Variants in LMBR1 observed in about 807,000 individuals in gnomAD.
LMBR1 encodes the protein limb region 1 protein homolog.
LMBR1 carries 52 observed loss-of-function variants against 73.9 expected under a neutral mutation model. The observed-to-expected ratio is 0.70, with a 90% CI of 0.56 to 0.89. The LOEUF (loss-of-function observed/expected upper bound fraction) is 0.89, where lower values mean the gene tolerates loss of function less well. Among genes scored for constraint, LMBR1 ranks in the 40% least tolerant of loss-of-function variants. The pLI, the probability that LMBR1 is intolerant of heterozygous loss-of-function variation, is 0.00. For synonymous variants in LMBR1, 215 were observed against 209.4 expected (o/e 1.03, Z -0.23); for missense variants, 539 against 579.8 (o/e 0.93, Z 0.72).
intron 4 of LMBR1, among the ~76,000 whole-genome samples, chr7:156,807,745 G>C (rs1001861657): frequency 6.6e-6 from 1 of 152,032 alleles, no homozygotes; most frequent in Non-Finnish European, 1.5e-5. Flanking sequence ...TGTAATACAG[G>C]TATTTCGTGC....
intron 10 of LMBR1, chr7:156,733,913 T>G (rs1817341196): frequency 3.7e-6 from 1 of 269,160 alleles, no homozygotes; most frequent in African/African-American, 2.2e-5. Context: ...TTGGAAATAA[T>G]GCAAGTGAGA....
intron 1 of LMBR1, among the ~76,000 whole-genome samples, chr7:156,875,727 T>C (rs954763209): frequency 1.3e-5 from 2 of 152,078 alleles, no homozygotes; most frequent in Non-Finnish European, 2.9e-5. Flanking sequence ...GCTTCATAAA[T>C]GAAGGAAAGA....
chr7:156,705,954 G>A (rs530667391), intron 15 of LMBR1, among the ~76,000 whole-genome samples: 3 of 152,020 alleles, frequency 2.0e-5, no homozygotes, highest in South Asian at 2.1e-4. Context: ...AATATAAATG[G>A]ATTAAATTCT....
At chr7:156,803,635 A>T (rs569416803) in intron 4 of LMBR1, among the ~76,000 whole-genome samples, 15 of 152,238 alleles carry the variant, frequency 9.9e-5, no homozygotes, top group African/African-American at 3.6e-4. Context: ...CAGCCATCCC[A>T]TTACTAGGTA....
chr7:156,699,894 A>G (rs1809251296), intron 15 of LMBR1, among the ~76,000 whole-genome samples: 1 of 152,242 alleles, frequency 6.6e-6, no homozygotes, highest in African/African-American at 2.4e-5. Flanking sequence ...TTTAAAAGTC[A>G]GGAAACAACA....
At chr7:156,829,864 G>C (rs1427761543) in intron 3 of LMBR1, among the ~76,000 whole-genome samples, 7 of 152,128 alleles carry the variant, frequency 4.6e-5, no homozygotes, top group South Asian at 2.1e-4. Context: ...TTGCTTCACC[G>C]GTTAGTCATC....
intron 1 of LMBR1, among the ~76,000 whole-genome samples, chr7:156,847,518 GA>G (rs1345890191): frequency 6.6e-6 from 1 of 152,172 alleles, no homozygotes; most frequent in African/African-American, 2.4e-5. Context: ...CAGGCTGGGA[GA>G]AAATATTTGC....
chr7:156,702,574 C>G (rs1182536273), intron 15 of LMBR1, among the ~76,000 whole-genome samples: 1 of 152,142 alleles, frequency 6.6e-6, no homozygotes, highest in East Asian at 1.9e-4. Flanking sequence ...TGTCTGTTCA[C>G]TCTCATGATA....
chr7:156,690,047 C>T (rs905352432), intron 15 of LMBR1, among the ~76,000 whole-genome samples: 7 of 152,110 alleles, frequency 4.6e-5, no homozygotes, highest in Non-Finnish European at 8.8e-5. Context: ...CACAGACACC[C>T]AAATTTTACA....
chr7:156,760,825 C>T (rs985152057), intron 8 of LMBR1, among the ~76,000 whole-genome samples: 2 of 152,170 alleles, frequency 1.3e-5, no homozygotes, highest in African/African-American at 2.4e-5. Flanking sequence ...ATAACACTTC[C>T]TCAGTATTTT....
intron 5 of LMBR1, among the ~76,000 whole-genome samples, chr7:156,775,885 A>G (rs1467080858): frequency 1.3e-5 from 2 of 151,988 alleles, no homozygotes; most frequent in African/African-American, 4.8e-5. Context: ...CCCCAATGCC[A>G]GAAGTAAATT....
chr7:156,670,342 AG>A lies in LMBR1; in HGVS notation n.867-1056del, dbSNP rs1333297613. The stretch of plus-strand genomic sequence containing the variant: ...AGCTCACTGAGGAGTCAGGTCTGCA[AG>A]GGGGGCCCTGCGTTTTGCATCCCCT... On this transcript the variant is annotated intron_variant and non_coding_transcript_variant, in intron 4 of 4. Transcript: ENST00000430825. This position sits in a 1 kb window ranked among gnomAD's most constrained non-coding sequence, Gnocchi z 4.3. Among the ~76,000 whole-genome samples the A allele has an allele frequency of 1.3e-5, 2 of 152,182 alleles. No homozygotes were observed. Among genetic ancestry groups the A allele is most frequent in the Non-Finnish European group, 2.9e-5 (2 of 68,026 alleles).
intron 5 of LMBR1, among the ~76,000 whole-genome samples, chr7:156,780,703 A>T (rs905363110): frequency 1.3e-5 from 2 of 152,236 alleles, no homozygotes; most frequent in African/African-American, 4.8e-5. Flanking sequence ...TTTGCAATAT[A>T]TTAAAAGGTA....
intron 1 of LMBR1, among the ~76,000 whole-genome samples, chr7:156,888,954 T>G (rs1563637386): frequency 6.6e-6 from 1 of 151,798 alleles, no homozygotes; most frequent in South Asian, 2.1e-4. Flanking sequence ...CTCGGGAGGC[T>G]GAGGCAGGAG....
intron 1 of LMBR1, among the ~76,000 whole-genome samples, chr7:156,891,211 A>AAAAAAAAAAATAT (rs1802875174): frequency 1.2e-5 from 1 of 81,488 alleles, no homozygotes; most frequent in African/African-American, 5.2e-5. Context: ...AAAAAAAAAA[A>AAAAAAAAAAATAT]ATATATATAT....
At chr7:156,873,046 T>C (rs1454564698) in intron 1 of LMBR1, among the ~76,000 whole-genome samples, 1 of 151,262 alleles carries the variant, frequency 6.6e-6, no homozygotes, top group African/African-American at 2.4e-5. Flanking sequence ...AGTCTGTCCC[T>C]TCGTGGTCGC....
intron 1 of LMBR1, among the ~76,000 whole-genome samples, chr7:156,843,767 T>C (rs950156134): frequency 6.9e-6 from 1 of 145,920 alleles, no homozygotes; most frequent in Non-Finnish European, 1.5e-5. Flanking sequence ...ACCTGGGAGA[T>C]GGAGGTTGTC....
intron 9 of LMBR1, among the ~76,000 whole-genome samples, chr7:156,747,288 T>A (rs1267399703): frequency 6.6e-6 from 1 of 152,166 alleles, no homozygotes; most frequent in African/African-American, 2.4e-5. Context: ...TCTCTTTGGA[T>A]TCAGGAAAAC....
intron 5 of LMBR1, among the ~76,000 whole-genome samples, chr7:156,771,025 GATAA>G (rs549688805): frequency 2.0e-5 from 3 of 152,138 alleles, no homozygotes; most frequent in African/African-American, 7.2e-5. Context: ...AAAGAATTCT[GATAA>G]ATGTCTGGCT....
Sources: allele counts gnomAD v4.1 joint callset (sites outside exome capture counted in the v4.1 genomes callset), GRCh38; gene constraint gnomAD v4.1.1; non-coding constraint Gnocchi (gnomAD v3.1); transcripts MANE v1.5; gene names NCBI Gene and HGNC (gene_info 2026-07-23, HGNC 2026-07-21).